The following GDA variants were observed in gnomAD, a reference collection of about 807,000 sequenced individuals.
The protein encoded by GDA is guanine deaminase.
Under a neutral mutation model 59.6 loss-of-function variants are expected in GDA, and 18 were observed. That is an observed-to-expected ratio of 0.30 (90% CI 0.21 to 0.45). The LOEUF is 0.45. Ranked by LOEUF, GDA falls within the 20% of genes least tolerant of loss-of-function variation. The pLI is 1.00. For missense variants in GDA, 427 were observed against 552.3 expected (o/e 0.77, Z 2.27); for synonymous variants, 201 against 201.1 (o/e 1.00, Z 0.00).
rs1840009325 is a variant in GDA, at chr9:72,245,095, A to G, written c.1136-53A>G. ...ATCTGTCCTTACAAACTGAGACATT[A>G]GTGTGGTCTGATGGCTTGCAATCCT... On this transcript the variant is annotated intron_variant, in intron 11 of 13. Transcript: ENST00000358399. 14 of 1,580,632 alleles carry G rather than the reference A, an allele frequency of 8.9e-6. 1 individual carries two copies. The highest frequency in any genetic ancestry group is 1.0e-5 in the Non-Finnish European group (12 of 1,154,354).
intron 5 of GDA, among the ~76,000 whole-genome samples, chr9:72,217,160 TAGC>T (rs540435737): frequency 4.7e-4 from 72 of 152,352 alleles, no homozygotes; most frequent in African/African-American, 1.7e-3. Context: ...TTTTTAAAAA[TAGC>T]AGTATGTGGG....
intron 1 of GDA, among the ~76,000 whole-genome samples, chr9:72,140,105 C>T (rs1013067782): frequency 3.9e-5 from 6 of 152,182 alleles, no homozygotes; most frequent in African/African-American, 1.4e-4. Flanking sequence ...ACAGATGGGG[C>T]ATGAGACCCA....
At chr9:72,152,834 CT>C (rs1317702730) in intron 1 of GDA, among the ~76,000 whole-genome samples, 2 of 152,148 alleles carry the variant, frequency 1.3e-5, no homozygotes, top group South Asian at 4.1e-4. Flanking sequence ...GTTGCCATGG[CT>C]TTTGGTGTTT....
chr9:72,189,336 A>T (rs1158997226), intron 1 of GDA, among the ~76,000 whole-genome samples: 2 of 151,460 alleles, frequency 1.3e-5, no homozygotes, highest in Non-Finnish European at 2.9e-5. Flanking sequence ...ATGCATCCCC[A>T]TACCTGGCTA....
chr9:72,132,197 A>G (rs575614239), intron 1 of GDA, among the ~76,000 whole-genome samples: 1 of 152,290 alleles, frequency 6.6e-6, no homozygotes, highest in African/African-American at 2.4e-5. Context: ...ACCATGTCTC[A>G]CCCTTCTAGG....
At position 72,175,691 on chromosome 9, in the gene GDA, T is replaced by C. The variant is rs115645218; in HGVS notation, c.124-19809T>C. On this transcript the variant is annotated intron_variant, in intron 1 of 13. Coordinates refer to ENST00000358399, the MANE Select transcript of GDA (RefSeq NM_004293.5). Reference sequence around the variant, plus strand: ...ACTGCATTAATCTTTTGTTGTAGATTTGAATGTGGGGTGAAAATCAGTCAG... The same window carrying C: ...ACTGCATTAATCTTTTGTTGTAGATCTGAATGTGGGGTGAAAATCAGTCAG... 7.3e-3 allele frequency among the ~76,000 whole-genome samples: 1,113 copies of C among 152,306 alleles called. 16 individuals carry two copies. Among genetic ancestry groups the C allele is most frequent in the African/African-American group, 0.025 (1,038 of 41,572 alleles).
intron 1 of GDA, among the ~76,000 whole-genome samples, chr9:72,156,027 A>AC (rs1827845669): frequency 6.6e-6 from 1 of 152,226 alleles, no homozygotes; most frequent in Non-Finnish European, 1.5e-5. Context: ...ATTGTCAGTA[A>AC]TGCAGATGGA....
chr9:72,237,965 GC>G (rs1463716708), intron 10 of GDA, among the ~76,000 whole-genome samples: 1 of 151,854 alleles, frequency 6.6e-6, no homozygotes, highest in Non-Finnish European at 1.5e-5. Context: ...ACCATCCTAG[GC>G]CCTTCCAGTC....
downstream of GDA, among the ~76,000 whole-genome samples, chr9:72,258,089 T>C (rs534496455): frequency 9.2e-5 from 14 of 151,856 alleles, no homozygotes; most frequent in Admixed American, 2.0e-4. Context: ...GGTGGGAAAA[T>C]CACTTGAGGC....
At chr9:72,160,040 C>T in intron 1 of GDA, among the ~76,000 whole-genome samples, 1 of 152,088 alleles carries the variant, frequency 6.6e-6, no homozygotes, top group East Asian at 1.9e-4. Flanking sequence ...TGGCTCATGC[C>T]TATAATCCCA....
Position 72,248,368 on chromosome 9 carries a change from C to T in GDA, c.*26C>T, listed in dbSNP as rs749284550. 4 of 1,613,542 alleles carry T rather than the reference C, an allele frequency of 2.5e-6. No individual in the cohort carries two copies. The highest frequency in any genetic ancestry group is 3.4e-6 in the Non-Finnish European group (4 of 1,179,562). ...GACCCTCGGGCGTCTACAAAGTTCT[C>T]CTGGGATTAGCGTGGTTCTGCATCT... On this transcript the variant is annotated 3_prime_UTR_variant, in exon 14 of 14. Coordinates refer to ENST00000358399, the MANE Select transcript of GDA (RefSeq NM_004293.5).
chr9:72,160,747 C>T (rs1318402528), intron 1 of GDA, among the ~76,000 whole-genome samples: 1 of 152,202 alleles, frequency 6.6e-6, no homozygotes, highest in Non-Finnish European at 1.5e-5. Context: ...TGTATGGTTT[C>T]CCATTGCCTA....
intron 7 of GDA, among the ~76,000 whole-genome samples, chr9:72,224,917 A>G (rs1312159717): frequency 6.7e-6 from 1 of 149,690 alleles, no homozygotes; most frequent in Admixed American, 6.7e-5. Flanking sequence ...AGCTCTCTTT[A>G]CTCAAATTCC....
intron 1 of GDA, among the ~76,000 whole-genome samples, chr9:72,121,488 T>C (rs188991915): frequency 2.6e-5 from 4 of 152,186 alleles, no homozygotes; most frequent in Admixed American, 2.6e-4. Flanking sequence ...TCCCAGCTAC[T>C]CGGGAGGCTG....
At chr9:72,149,347 CG>C, upstream of GDA, 1 of 547,698 alleles carries the variant, frequency 1.8e-6, no homozygotes, top group East Asian at 3.4e-5. Context: ...AGCCAACTCG[CG>C]GGAGAAAAAT....
At position 72,185,136 on chromosome 9, in the gene GDA, C is replaced by T. The variant is rs543758601; in HGVS notation, c.124-10364C>T. Among the ~76,000 whole-genome samples, 572 of 152,284 alleles carry T rather than the reference C, an allele frequency of 3.8e-3. 4 individuals are homozygous for T. Among genetic ancestry groups the T allele is most frequent in the African/African-American group, 0.013 (536 of 41,564 alleles). Reference sequence around the variant, plus strand: ...GTCTATGGTTGATTTTGCAATTCAGCGACAGATTTAAGTAGTTCAATAGAC... The same window carrying T: ...GTCTATGGTTGATTTTGCAATTCAGTGACAGATTTAAGTAGTTCAATAGAC... On this transcript the variant is annotated intron_variant, in intron 1 of 13. Transcript: ENST00000358399.
chr9:72,178,269 C>T (rs552364499), intron 1 of GDA, among the ~76,000 whole-genome samples: 7 of 152,204 alleles, frequency 4.6e-5, no homozygotes, highest in South Asian at 2.1e-4. Context: ...AGTTAATATA[C>T]CATGGTAATT....
intron 1 of GDA, among the ~76,000 whole-genome samples, chr9:72,133,113 ACT>A (rs1216002754): frequency 2.0e-5 from 3 of 151,542 alleles, no homozygotes; most frequent in African/African-American, 4.8e-5. Context: ...ACATCGTGAA[ACT>A]CTGTCTCTAC....
intron 2 of GDA, among the ~76,000 whole-genome samples, chr9:72,196,507 G>A (rs1833201929): frequency 6.6e-6 from 1 of 150,498 alleles, no homozygotes; most frequent in Non-Finnish European, 1.5e-5. Flanking sequence ...AAAAAGCTCA[G>A]TTTCCTCATA....
Sources: allele counts gnomAD v4.1 joint callset (sites outside exome capture counted in the v4.1 genomes callset), GRCh38; gene constraint gnomAD v4.1.1; transcripts MANE v1.5; gene names NCBI Gene and HGNC (gene_info 2026-07-23, HGNC 2026-07-21).